The following NFIB variants were observed in gnomAD, a reference collection of about 807,000 sequenced individuals.
The protein encoded by NFIB is nuclear factor I B.
Under a neutral mutation model 61.5 loss-of-function variants are expected in NFIB, and 11 were observed. The observed-to-expected ratio is 0.18, with a 90% CI of 0.11 to 0.30. The LOEUF (loss-of-function observed/expected upper bound fraction) is 0.30, where lower values mean the gene tolerates loss of function less well. NFIB is among the 10% of genes least tolerant of loss of function. NFIB has a pLI of 1.00. For missense variants in NFIB, 471 were observed against 608.9 expected, an observed-to-expected ratio of 0.77 and a Z score of 2.38; for synonymous variants, 260 against 216.5, an observed-to-expected ratio of 1.20 and a Z score of -1.76.
At position 14,265,107 on chromosome 9, in the gene NFIB, T is replaced by C. The variant is rs117614537; in HGVS notation, c.562+41882A>G. On this transcript the variant is annotated intron_variant, in intron 2 of 10. Transcript: ENST00000380953. ...CGAATTTATTGATCTGGGAAAGGTA[T>C]ATCTAGGTCTCAGCAATGTTCTTTG... 7.9e-5 allele frequency among the ~76,000 whole-genome samples: 12 copies of C among 152,324 alleles called. No homozygotes were observed. In the East Asian group the frequency reaches 2.3e-3, roughly 29 times the overall value.
the NFIB span, among the ~76,000 whole-genome samples, chr9:14,449,460 C>T: frequency 9.9e-5 from 15 of 152,150 alleles, no homozygotes; most frequent in East Asian, 1.9e-3. Flanking sequence ...TGGCATAAAG[C>T]TATAATAGCA....
intron 10 of NFIB, among the ~76,000 whole-genome samples, chr9:14,110,309 T>A (rs1412622459): frequency 6.6e-6 from 1 of 152,060 alleles, no homozygotes; most frequent in African/African-American, 2.4e-5. Flanking sequence ...GTACTTTTCA[T>A]AACCTAAAAG....
intron 5 of NFIB, among the ~76,000 whole-genome samples, chr9:14,148,517 A>C (rs2131135549): frequency 6.6e-6 from 1 of 152,300 alleles, no homozygotes; most frequent in East Asian, 1.9e-4. Flanking sequence ...AATAACCATA[A>C]TGTTATAGGA....
intron 2 of NFIB, among the ~76,000 whole-genome samples, chr9:14,235,406 C>G (rs1157897470): frequency 6.6e-6 from 1 of 152,302 alleles, no homozygotes; most frequent in South Asian, 2.1e-4. Flanking sequence ...GCTTCCTTAT[C>G]TGTAAATGAT....
the NFIB span, among the ~76,000 whole-genome samples, chr9:14,521,537 T>C: frequency 1.9e-4 from 29 of 151,530 alleles, no homozygotes; most frequent in African/African-American, 6.1e-4. Flanking sequence ...TTGTTGCAAA[T>C]TGTTATTTAA....
At position 14,088,335 on chromosome 9, in the gene NFIB, A is replaced by G; in HGVS notation, c.1468-9T>C. 6.5e-7 allele frequency: 1 copy of G among 1,536,934 alleles called. No homozygotes were observed. On this transcript the variant is annotated splice_polypyrimidine_tract_variant and intron_variant, in intron 10 of 10. Coordinates refer to ENST00000380953, the MANE Select transcript of NFIB (RefSeq NM_001190737.2). ...TAGCCCAGGTACCAGGACTGTTGAG[A>G]GGAGAGAGGCAGCAGGGAGGGAAGA...
chr9:14,233,965 G>A (rs1361343088), intron 2 of NFIB, among the ~76,000 whole-genome samples: 2 of 152,106 alleles, frequency 1.3e-5, no homozygotes, highest in African/African-American at 4.8e-5. Context: ...ACTTATAGAT[G>A]CTTTACTTAT....
chr9:14,477,148 C>T, the NFIB span, among the ~76,000 whole-genome samples: 1 of 152,120 alleles, frequency 6.6e-6, no homozygotes, highest in Non-Finnish European at 1.5e-5. Context: ...ATATGACATT[C>T]CATTCTGCCT....
chr9:14,313,311 G>GTC lies in NFIB; in HGVS notation c.30+170_30+171insGA, dbSNP rs959902943. ...GCGCTCGCAGTGGCCGTGGCGAGGG[G>GTC]CCGCTCCCGGCTCCCACGCCGCCCC... is the stretch of plus-strand genomic sequence containing the variant. On this transcript the variant is annotated intron_variant, in intron 1 of 10. Coordinates refer to ENST00000380953, the MANE Select transcript of NFIB (RefSeq NM_001190737.2). The surrounding 1 kb of genome is among the most constrained non-coding windows in gnomAD (Gnocchi z 4.5). 6.6e-6 allele frequency among the ~76,000 whole-genome samples: 1 copy of GTC among 151,644 alleles called. No individual in the cohort carries two copies. Among genetic ancestry groups the GTC allele is most frequent in the African/African-American group, 2.4e-5 (1 of 41,400 alleles).
chr9:14,204,628 C>T (rs1261324023), intron 2 of NFIB: 1 of 706,426 alleles, frequency 1.4e-6, no homozygotes, highest in Non-Finnish European at 2.5e-6. Context: ...CAAAGGGGAC[C>T]TCCCCACTAA....
At chr9:14,347,235 G>C (rs938704978) in intron 1 of NFIB, 1 of 152,258 alleles carries the variant, frequency 6.6e-6, no homozygotes, top group Non-Finnish European at 1.5e-5. Flanking sequence ...CCGAAAGCGA[G>C]GTGGGGGAGG....
At chr9:14,297,736 A>C (rs944250785) in intron 2 of NFIB, among the ~76,000 whole-genome samples, 3 of 152,214 alleles carry the variant, frequency 2.0e-5, no homozygotes, top group Non-Finnish European at 4.4e-5. Context: ...TTTTTCCTCT[A>C]ATAATTTAAA....
intron 2 of NFIB, among the ~76,000 whole-genome samples, chr9:14,191,510 T>C (rs943739582): frequency 6.6e-6 from 1 of 152,198 alleles, no homozygotes; most frequent in Non-Finnish European, 1.5e-5. Flanking sequence ...GAGAGTATAC[T>C]GGTGCAGAGC....
intron 1 of NFIB, among the ~76,000 whole-genome samples, chr9:14,371,790 T>C (rs928313381): frequency 6.6e-5 from 10 of 152,198 alleles, no homozygotes; most frequent in Non-Finnish European, 4.4e-5. Flanking sequence ...TCAATTCCTA[T>C]TGCCCTTTTG....
At chr9:14,475,588 G>A in the NFIB span, among the ~76,000 whole-genome samples, 1 of 151,976 alleles carries the variant, frequency 6.6e-6, no homozygotes, top group South Asian at 2.1e-4. Context: ...CTGACAGCCC[G>A]TATTCCCCAC....
intron 1 of NFIB, chr9:14,362,793 G>A (rs1011047836): frequency 6.6e-6 from 1 of 152,188 alleles, no homozygotes; most frequent in African/African-American, 2.4e-5. Flanking sequence ...TACTTGGGAA[G>A]GCTGAGGTGG....
At chr9:14,263,835 G>A (rs1186025839) in intron 2 of NFIB, among the ~76,000 whole-genome samples, 1 of 152,066 alleles carries the variant, frequency 6.6e-6, no homozygotes, top group Non-Finnish European at 1.5e-5. Flanking sequence ...CAAATATCAG[G>A]GTTTGTCCTC....
At chr9:14,425,676 T>A in the NFIB span, among the ~76,000 whole-genome samples, 1 of 151,376 alleles carries the variant, frequency 6.6e-6, no homozygotes, top group South Asian at 2.1e-4. Context: ...CTCGAGGTAT[T>A]TGTTTTCCCT....
At chr9:14,170,696 C>T (rs1339126300) in intron 3 of NFIB, among the ~76,000 whole-genome samples, 1 of 152,056 alleles carries the variant, frequency 6.6e-6, no homozygotes, top group Non-Finnish European at 1.5e-5. Context: ...TACAACACTG[C>T]CCAGAACAGC....
Sources: gnomAD v4.1 joint callset for allele counts (sites outside exome capture counted in the v4.1 genomes callset) on GRCh38, gnomAD v4.1.1 for gene constraint, Gnocchi (gnomAD v3.1) non-coding constraint, MANE v1.5 for transcripts, NCBI Gene and HGNC (gene_info 2026-07-23, HGNC 2026-07-21) for gene names.